ADK: variants seen among roughly 807,000 people sequenced by gnomAD.
The protein encoded by ADK is N6,N6-dimethyladenosine kinase.
Under a neutral mutation model 44.7 loss-of-function variants are expected in ADK, and 24 were observed. The ratio of observed to expected loss-of-function variants is 0.54; its 90% CI spans 0.39 to 0.76. The LOEUF is 0.76. ADK is among the 30% of genes least tolerant of loss of function. The pLI, the probability that ADK is intolerant of heterozygous loss-of-function variation, is 0.00. For synonymous variants in ADK, 128 were observed against 142.6 expected, an observed-to-expected ratio of 0.90 and a Z score of 0.73; for missense variants, 321 against 425.1, an observed-to-expected ratio of 0.76 and a Z score of 2.15.
intron 6 of ADK, among the ~76,000 whole-genome samples, chr10:74,450,899 C>G (rs1245481243): frequency 6.6e-6 from 1 of 151,966 alleles, no homozygotes; most frequent in African/African-American, 2.4e-5. Flanking sequence ...ACTTTCCTAT[C>G]TTATCTGTAG....
chr10:74,164,976 C>G (rs2132043741), intron 1 of ADK, among the ~76,000 whole-genome samples: 1 of 152,278 alleles, frequency 6.6e-6, no homozygotes, highest in East Asian at 1.9e-4. Context: ...GCTCTCTCAG[C>G]CTTTCTCTTT....
At chr10:74,366,853 T>C (rs1409363234) in intron 4 of ADK, among the ~76,000 whole-genome samples, 1 of 152,102 alleles carries the variant, frequency 6.6e-6, no homozygotes, top group African/African-American at 2.4e-5. Context: ...TTGTTTGAGC[T>C]TGGTAGGCAG....
intron 3 of ADK, among the ~76,000 whole-genome samples, chr10:74,271,199 C>T (rs1407737436): frequency 1.3e-5 from 2 of 151,890 alleles, no homozygotes; most frequent in African/African-American, 4.8e-5. Context: ...GTTTTTGATA[C>T]CCCCAAATTG....
chr10:74,298,563 C>T (rs192989762), intron 3 of ADK, among the ~76,000 whole-genome samples: 6 of 151,838 alleles, frequency 4.0e-5, no homozygotes, highest in East Asian at 3.9e-4. Flanking sequence ...GACCAGCCTG[C>T]GCAACATAGT....
chr10:74,316,297 A>C (rs1564649747), intron 4 of ADK, among the ~76,000 whole-genome samples: 1 of 152,044 alleles, frequency 6.6e-6, no homozygotes, highest in Non-Finnish European at 1.5e-5. Flanking sequence ...TTATCAAGGC[A>C]CGTTTTGCAT....
At chr10:74,172,137 CTT>C (rs3998223) in intron 1 of ADK, among the ~76,000 whole-genome samples, 3,193 of 122,616 alleles carry the variant, frequency 0.026, 42 homozygotes, top group African/African-American at 0.031. Flanking sequence ...CATGGATTTT[CTT>C]TTTTTTTTTT....
chr10:74,372,169 A>G, intron 4 of ADK: 3 of 755,130 alleles, frequency 4.0e-6, no homozygotes, highest in Non-Finnish European at 7.3e-6. Context: ...GAAAAAGCAG[A>G]GCAGCCTGCT....
At chr10:74,682,502 T>G (rs1472551614) in intron 10 of ADK, among the ~76,000 whole-genome samples, 1 of 152,170 alleles carries the variant, frequency 6.6e-6, no homozygotes, top group East Asian at 1.9e-4. Flanking sequence ...TGCTCTAAAT[T>G]GACTTCCTGT....
At chr10:74,267,585 T>C (rs1353553200) in intron 3 of ADK, among the ~76,000 whole-genome samples, 1 of 152,138 alleles carries the variant, frequency 6.6e-6, no homozygotes, top group Non-Finnish European at 1.5e-5. Context: ...CCCTAACTCA[T>C]ACTGGCTTAA....
At chr10:74,428,636 A>C (rs781641783) in intron 6 of ADK, among the ~76,000 whole-genome samples, 1 of 152,266 alleles carries the variant, frequency 6.6e-6, no homozygotes, top group Non-Finnish European at 1.5e-5. Context: ...GGGAAAAAAC[A>C]AAACAAGGAA....
intron 1 of ADK, among the ~76,000 whole-genome samples, chr10:74,184,501 TTGTGTGTGTGTGTGTGTGTGTGTG>T (rs67693938): frequency 2.9e-5 from 4 of 138,418 alleles, no homozygotes. Flanking sequence ...TGGCTATATT[TTGTGTGTGTGTGTGTGTGTGTGTG>T]TGTGTGTGTG....
At chr10:74,686,224 G>A (rs1239206603) in intron 10 of ADK, among the ~76,000 whole-genome samples, 1 of 152,096 alleles carries the variant, frequency 6.6e-6, no homozygotes, top group Admixed American at 6.6e-5. Flanking sequence ...GCCTCCCAAA[G>A]TGCTGGGATT....
chr10:74,635,921 CA>C (rs11294383), intron 9 of ADK, among the ~76,000 whole-genome samples: 26,703 of 129,456 alleles, frequency 0.21, 2,555 homozygotes, highest in African/African-American at 0.28. Context: ...CCATCTCTAC[CA>C]AAAAAAAAAA....
At chr10:74,419,664 C>G (rs1844491478) in intron 6 of ADK, among the ~76,000 whole-genome samples, 1 of 152,032 alleles carries the variant, frequency 6.6e-6, no homozygotes, top group African/African-American at 2.4e-5. Context: ...TTTTTGCTAC[C>G]CTTGGGCTAC....
At chr10:74,287,048 T>C (rs1847192520) in intron 3 of ADK, among the ~76,000 whole-genome samples, 4 of 152,110 alleles carry the variant, frequency 2.6e-5, no homozygotes. Flanking sequence ...CTGCTTATGG[T>C]GACACAAGTA....
chr10:74,650,705 C>A (rs1262517826), intron 9 of ADK, among the ~76,000 whole-genome samples: 1 of 152,164 alleles, frequency 6.6e-6, no homozygotes, highest in Non-Finnish European at 1.5e-5. Flanking sequence ...ATACCACACA[C>A]AATTAATGAC....
At chr10:74,249,168 A>G (rs1845547944) in intron 3 of ADK, among the ~76,000 whole-genome samples, 1 of 152,176 alleles carries the variant, frequency 6.6e-6, no homozygotes, top group African/African-American at 2.4e-5. Flanking sequence ...ACACTAAAAC[A>G]TATTTCTTCT....
chr10:74,347,322 G>A (rs866404068), intron 4 of ADK, among the ~76,000 whole-genome samples: 28 of 151,976 alleles, frequency 1.8e-4, no homozygotes, highest in Middle Eastern at 6.8e-3. Context: ...CCTGGGAGGT[G>A]CAAGGAGCTG....
At chr10:74,239,309 A>G (rs1347605723) in intron 3 of ADK, among the ~76,000 whole-genome samples, 2 of 152,160 alleles carry the variant, frequency 1.3e-5, no homozygotes, top group Non-Finnish European at 2.9e-5. Context: ...TCAGTCACTC[A>G]GCAAAGGTAA....
Sources: gnomAD v4.1 joint callset for allele counts (sites outside exome capture counted in the v4.1 genomes callset) on GRCh38, gnomAD v4.1.1 for gene constraint, MANE v1.5 for transcripts, NCBI Gene and HGNC (gene_info 2026-07-23, HGNC 2026-07-21) for gene names.